EYS: variants seen among roughly 807,000 people sequenced by gnomAD.
EYS encodes the protein protein eyes shut homolog.
Under a neutral mutation model 282.1 loss-of-function variants are expected in EYS, and 250 were observed. The ratio of observed to expected loss-of-function variants is 0.89; its 90% CI spans 0.80 to 0.98. EYS has a LOEUF of 0.98. EYS is among the 50% of genes least tolerant of loss of function. The pLI is 0.00. For synonymous variants in EYS, 1,355 were observed against 1,282.9 expected (o/e 1.06, Z -1.20); for missense variants, 4,016 against 3,709.0 (o/e 1.08, Z -2.15).
chr6:65,253,513 T>G lies in EYS; in HGVS notation c.2023+42350A>C, dbSNP rs186805901. On this transcript the variant is annotated intron_variant, in intron 12 of 42. Transcript: ENST00000503581. ...ATTAACATACTGTAATTTTTATATA[T>G]TTGAATTATTTGTAAATGCAGTGTT... is the stretch of plus-strand genomic sequence containing the variant. Among the ~76,000 whole-genome samples, 11 of 152,046 alleles carry G rather than the reference T, an allele frequency of 7.2e-5. 1 individual carries two copies. The East Asian group carries it at 2.1e-3, about 29-fold the overall frequency.
chr6:63,729,912 C>T (rs1057458988), intron 41 of EYS, among the ~76,000 whole-genome samples: 4 of 152,264 alleles, frequency 2.6e-5, no homozygotes, highest in South Asian at 2.1e-4. Context: ...TGAAAATTTA[C>T]GTCTATCTAA....
In EYS at chr6:65,431,953, G is replaced by T. The variant is rs188261013; in HGVS notation, c.863-26586C>A. Among the ~76,000 whole-genome samples, 339 of 151,984 alleles carry T rather than the reference G, an allele frequency of 2.2e-3. 3 individuals are homozygous for T. Among genetic ancestry groups the T allele is most frequent in the African/African-American group, 7.8e-3 (322 of 41,486 alleles). ...GTTGAGCAACTATCTCTGGTGGGAG[G>T]TTGTTATTGTACATTTTAAAAATAA... On this transcript the variant is annotated intron_variant, in intron 5 of 42. Coordinates refer to ENST00000503581, the MANE Select transcript of EYS (RefSeq NM_001142800.2).
At chr6:64,260,031 T>C (rs1767537204) in intron 30 of EYS, among the ~76,000 whole-genome samples, 1 of 152,098 alleles carries the variant, frequency 6.6e-6, no homozygotes, top group South Asian at 2.1e-4. Context: ...ACTTAATGTT[T>C]TACTTCTCTT....
At chr6:64,631,507 A>G (rs1340187393) in intron 22 of EYS, 1 of 152,106 alleles carries the variant, frequency 6.6e-6, no homozygotes, top group East Asian at 1.9e-4. Flanking sequence ...TTCCTTTGAT[A>G]CAGCTGCTTT....
Position 64,016,440 on chromosome 6 carries a change from G to T in EYS, c.6726-17257C>A, listed in dbSNP as rs922757138. 5.3e-5 allele frequency among the ~76,000 whole-genome samples: 8 copies of T among 151,532 alleles called. No homozygotes were observed. In the South Asian group the frequency reaches 1.7e-3, roughly 32 times the overall value. ...ACAGTGCTGGGTTATAAACCTGTAC[G>T]TTGTAGCTCCAGAATCTATGCTATT... On this transcript the variant is annotated intron_variant, in intron 33 of 42. Coordinates refer to ENST00000503581, the MANE Select transcript of EYS (RefSeq NM_001142800.2).
At chr6:65,283,558 A>T (rs183313071) in intron 12 of EYS, among the ~76,000 whole-genome samples, 112 of 152,094 alleles carry the variant, frequency 7.4e-4, no homozygotes, top group Admixed American at 1.5e-3. Context: ...TGACATTTGT[A>T]ACACTAATCC....
At chr6:64,193,777 T>G (rs1765190648) in intron 31 of EYS, among the ~76,000 whole-genome samples, 1 of 152,120 alleles carries the variant, frequency 6.6e-6, no homozygotes, top group Non-Finnish European at 1.5e-5. Flanking sequence ...TGCGTTAGTT[T>G]GCTCAGAATG....
At chr6:65,150,693 C>T (rs1310114708) in intron 12 of EYS, among the ~76,000 whole-genome samples, 1 of 81,656 alleles carries the variant, frequency 1.2e-5, no homozygotes, top group African/African-American at 4.8e-5. Context: ...TTTTTAATAT[C>T]ACTCTCTAGA....
At position 64,709,884 on chromosome 6, in the gene EYS, C is replaced by T. The variant is rs181627335; in HGVS notation, c.3444-83639G>A. Among the ~76,000 whole-genome samples the T allele has an allele frequency of 3.4e-4, 52 of 152,188 alleles. 2 individuals carry two copies. Among genetic ancestry groups the T allele is most frequent in the Admixed American group, 3.3e-3 (51 of 15,292 alleles). ...GGCATATTTTCAAAATATTTTTAAC[C>T]TGGTTTTTTTCTGGTGCTCTTCAGC... is the stretch of plus-strand genomic sequence containing the variant. On this transcript the variant is annotated intron_variant, in intron 22 of 42. Coordinates refer to ENST00000503581, the MANE Select transcript of EYS (RefSeq NM_001142800.2).
At chr6:64,759,264 C>T (rs764511839) in intron 22 of EYS, among the ~76,000 whole-genome samples, 8 of 152,174 alleles carry the variant, frequency 5.3e-5, no homozygotes, top group Non-Finnish European at 1.2e-4. Flanking sequence ...TTCCTTTGGA[C>T]TCATCACTAA....
chr6:65,298,348 G>T (rs1346478242), intron 11 of EYS, among the ~76,000 whole-genome samples: 1 of 152,012 alleles, frequency 6.6e-6, no homozygotes, highest in Admixed American at 6.6e-5. Flanking sequence ...GAACTGTGTG[G>T]AGATAGTGAC....
rs145344133 is a variant in EYS at position 65,165,569 on chromosome 6, C to A, written c.2024-107842G>T. On this transcript the variant is annotated intron_variant, in intron 12 of 42. Coordinates refer to ENST00000503581, the MANE Select transcript of EYS (RefSeq NM_001142800.2). ...TTCTTACTTTTATTCATTAACAGTT[C>A]ACTTTTTCTCTTTTTACCCTTTGGC... Among the ~76,000 whole-genome samples the A allele has an allele frequency of 4.5e-3, 679 of 151,144 alleles. 10 individuals are homozygous for A. The highest frequency in any genetic ancestry group is 0.014 in the African/African-American group (590 of 41,388).
intron 2 of EYS, among the ~76,000 whole-genome samples, chr6:65,598,801 C>A (rs987542397): frequency 6.6e-6 from 1 of 152,006 alleles, no homozygotes; most frequent in African/African-American, 2.4e-5. Context: ...TTCAAATTTT[C>A]GCTCTGTCAC....
At chr6:63,995,644 C>T (rs1393714362) in intron 34 of EYS, among the ~76,000 whole-genome samples, 1 of 151,988 alleles carries the variant, frequency 6.6e-6, no homozygotes, top group East Asian at 1.9e-4. Context: ...GCATTATTCA[C>T]ATCATTCAAA....
intron 13 of EYS, among the ~76,000 whole-genome samples, chr6:65,043,147 T>C (rs914585068): frequency 6.6e-6 from 1 of 151,644 alleles, no homozygotes; most frequent in African/African-American, 2.4e-5. Context: ...GATATACGTA[T>C]ACAAAGTTCA....
intron 5 of EYS, among the ~76,000 whole-genome samples, chr6:65,440,400 C>T (rs898291547): frequency 2.5e-4 from 37 of 150,938 alleles, no homozygotes; most frequent in Admixed American, 5.3e-4. Context: ...ATTAAAACCC[C>T]AAAAACAAAA....
At chr6:64,172,249 ATCTCT>A (rs1764499849) in intron 31 of EYS, among the ~76,000 whole-genome samples, 1 of 151,886 alleles carries the variant, frequency 6.6e-6, no homozygotes, top group African/African-American at 2.4e-5. Context: ...TTAACTTGAG[ATCTCT>A]TCTATTAAAT....
Position 64,849,815 on chromosome 6 carries a change from C to T in EYS, c.2993-26993G>A, listed in dbSNP as rs571026258. ...GTAGTGCCCCCCATCTTTAATATCA[C>T]CAAAGAAAGACTTCCCCTTATGTTC... On this transcript the variant is annotated intron_variant, in intron 19 of 42. Coordinates refer to ENST00000503581, the MANE Select transcript of EYS (RefSeq NM_001142800.2). Among the ~76,000 whole-genome samples, 4 of 151,782 alleles carry T rather than the reference C, an allele frequency of 2.6e-5. No homozygotes were observed. The South Asian group carries it at 8.3e-4, about 32-fold the overall frequency.
intron 31 of EYS, among the ~76,000 whole-genome samples, chr6:64,130,369 C>A (rs1394296722): frequency 6.6e-6 from 1 of 152,172 alleles, no homozygotes; most frequent in Non-Finnish European, 1.5e-5. Context: ...TCTCAGCAAA[C>A]TGTCACAAGG....
Sources: gnomAD v4.1 joint callset for allele counts (sites outside exome capture counted in the v4.1 genomes callset) on GRCh38, gnomAD v4.1.1 for gene constraint, MANE v1.5 for transcripts, NCBI Gene and HGNC (gene_info 2026-07-23, HGNC 2026-07-21) for gene names.